The following PTPN2 variants were observed in gnomAD, a reference collection of about 807,000 sequenced individuals.
PTPN2 encodes the protein protein tyrosine phosphatase non-receptor type 2.
PTPN2 carries 19 observed loss-of-function variants against 57.3 expected under a neutral mutation model. That is an observed-to-expected ratio of 0.33 (90% CI 0.23 to 0.49). The LOEUF (loss-of-function observed/expected upper bound fraction) is 0.49. Ranked by LOEUF, PTPN2 falls within the 20% of genes least tolerant of loss-of-function variation. The probability of loss-of-function intolerance (pLI) is 0.99; values close to 1 mark genes in which losing one functional copy is unlikely to be tolerated. For synonymous variants in PTPN2, 153 were observed against 164.9 expected (o/e 0.93, Z 0.55); for missense variants, 358 against 501.1 (o/e 0.71, Z 2.73).
At chr18:12,861,642 C>T (rs1374708780) in intron 1 of PTPN2, among the ~76,000 whole-genome samples, 4 of 152,084 alleles carry the variant, frequency 2.6e-5, no homozygotes, top group Non-Finnish European at 4.4e-5. Context: ...TAAGTTTTGT[C>T]GCTACTGTAA....
intron 1 of PTPN2, among the ~76,000 whole-genome samples, chr18:12,868,625 CT>C (rs2044077815): frequency 6.6e-6 from 1 of 151,354 alleles, no homozygotes; most frequent in Non-Finnish European, 1.5e-5. Context: ...CCTAACAACT[CT>C]TTCTTTTTAA....
chr18:12,848,927 T>C (rs2043301496), intron 2 of PTPN2, among the ~76,000 whole-genome samples: 1 of 152,262 alleles, frequency 6.6e-6, no homozygotes, highest in Non-Finnish European at 1.5e-5. Context: ...GTTAATTTAT[T>C]TCTTTCCAAT....
intron 1 of PTPN2, among the ~76,000 whole-genome samples, chr18:12,874,507 G>A (rs2145529097): frequency 8.0e-6 from 1 of 125,424 alleles, no homozygotes; most frequent in African/African-American, 3.0e-5. Flanking sequence ...CCTCTGCCCG[G>A]CCAGCCGCCC....
At chr18:12,876,502 CA>C (rs1220627385) in intron 1 of PTPN2, among the ~76,000 whole-genome samples, 8 of 151,968 alleles carry the variant, frequency 5.3e-5, no homozygotes, top group Admixed American at 3.3e-4. Context: ...ATCAAGAAAT[CA>C]AAAAAGAGGC....
In PTPN2 at chr18:12,870,456, TATATATAGAG is replaced by T. The variant is rs1346641030; in HGVS notation, c.70-11212_70-11203del. On this transcript the variant is annotated intron_variant, in intron 1 of 8. Transcript: ENST00000309660. ...ATATATATGTGTATATATATATATA[TATATATAGAG>T]AGAGAGAGAGAGAGAGAGAGAGAGA... 4.7e-4 allele frequency among the ~76,000 whole-genome samples: 18 copies of T among 38,616 alleles called. No homozygotes were observed. The East Asian group carries it at 4.7e-3, about 10-fold the overall frequency. 25.3% of individuals were successfully genotyped at this position (38,616 alleles called of 152,430 possible). A position where few individuals can be genotyped will look rare whatever the true frequency, so the allele number is the denominator to read the frequency against.
intron 7 of PTPN2, among the ~76,000 whole-genome samples, chr18:12,802,707 G>A (rs1341488496): frequency 1.3e-5 from 2 of 151,978 alleles, no homozygotes; most frequent in East Asian, 4.0e-4. Context: ...AGAACAGACT[G>A]TAGAGAATGG....
At chr18:12,810,426 T>A (rs1369460381) in intron 7 of PTPN2, among the ~76,000 whole-genome samples, 1 of 152,120 alleles carries the variant, frequency 6.6e-6, no homozygotes, top group Admixed American at 6.6e-5. Context: ...CTTAGCTGCA[T>A]AATCAATGTA....
intron 3 of PTPN2, among the ~76,000 whole-genome samples, chr18:12,831,921 C>A (rs948936188): frequency 3.3e-5 from 5 of 152,110 alleles, no homozygotes; most frequent in Non-Finnish European, 7.4e-5. Flanking sequence ...AGCCTATGTA[C>A]AAATTTTAAC....
At chr18:12,865,328 G>T (rs2043953854) in intron 1 of PTPN2, among the ~76,000 whole-genome samples, 1 of 151,926 alleles carries the variant, frequency 6.6e-6, no homozygotes, top group African/African-American at 2.4e-5. Flanking sequence ...CCAGCTACTT[G>T]GGAGGCAGAA....
intron 5 of PTPN2, among the ~76,000 whole-genome samples, chr18:12,820,632 C>T (rs751225553): frequency 2.0e-5 from 3 of 152,100 alleles, no homozygotes; most frequent in Non-Finnish European, 4.4e-5. Context: ...CCTTGGTCAC[C>T]GAGTCACACT....
chr18:12,808,755 C>T (rs929538273), intron 7 of PTPN2, among the ~76,000 whole-genome samples: 5 of 152,144 alleles, frequency 3.3e-5, no homozygotes, highest in Admixed American at 1.3e-4. Flanking sequence ...CACTCCTGGG[C>T]GACAGAGCGA....
chr18:12,865,593 G>A (rs1198150844), intron 1 of PTPN2, among the ~76,000 whole-genome samples: 1 of 151,980 alleles, frequency 6.6e-6, no homozygotes, highest in Non-Finnish European at 1.5e-5. Context: ...CAGATTGCCT[G>A]AGCTCAGGAG....
intron 7 of PTPN2, among the ~76,000 whole-genome samples, chr18:12,808,764 G>A (rs941460294): frequency 6.6e-6 from 1 of 152,250 alleles, no homozygotes; most frequent in Non-Finnish European, 1.5e-5. Context: ...GCGACAGAGC[G>A]AGACTCCGTC....
At chr18:12,798,354 C>G (rs1241623934) in intron 8 of PTPN2, among the ~76,000 whole-genome samples, 1 of 152,068 alleles carries the variant, frequency 6.6e-6, no homozygotes, top group Non-Finnish European at 1.5e-5. Context: ...TATTTCATCA[C>G]CCAGGTATTA....
chr18:12,799,396 G>A (rs1362252719), intron 8 of PTPN2, among the ~76,000 whole-genome samples: 1 of 150,440 alleles, frequency 6.6e-6, no homozygotes, highest in Non-Finnish European at 1.5e-5. Flanking sequence ...CAGCCTGGGT[G>A]ACAGAGCAAG....
At position 12,851,385 on chromosome 18, in the gene PTPN2, AGG is replaced by A. The variant is rs1381134822; in HGVS notation, c.160+7777_160+7778del. 5.1e-5 allele frequency among the ~76,000 whole-genome samples: 2 copies of A among 39,510 alleles called. 1 individual carries two copies. Among genetic ancestry groups the A allele is most frequent in the Non-Finnish European group, 1.3e-4 (2 of 15,042 alleles). The allele number at this position is 39,510 out of a possible 152,430, so 25.9% of individuals were successfully genotyped here. A position where few individuals can be genotyped will look rare whatever the true frequency, so the allele number is the denominator to read the frequency against. On this transcript the variant is annotated intron_variant, in intron 2 of 8. Coordinates refer to ENST00000309660, the MANE Select transcript of PTPN2 (RefSeq NM_002828.4). Reference sequence around the variant, plus strand: ...TCCCAGCTACTCGGGAGGCTGAGGCAGGAGAATGGCGTGAACCCGGGAGGCGG... The same window carrying A: ...TCCCAGCTACTCGGGAGGCTGAGGCAAGAATGGCGTGAACCCGGGAGGCGG...
intron 1 of PTPN2, among the ~76,000 whole-genome samples, chr18:12,880,962 A>G (rs1243529109): frequency 1.3e-5 from 2 of 152,208 alleles, no homozygotes; most frequent in African/African-American, 4.8e-5. Flanking sequence ...ACTTGTACAT[A>G]ACGTATACCC....
chr18:12,854,881 T>G (rs1041255528), intron 2 of PTPN2, among the ~76,000 whole-genome samples: 2 of 152,162 alleles, frequency 1.3e-5, no homozygotes, highest in Admixed American at 6.5e-5. Flanking sequence ...CTGGGCACAG[T>G]GGCTCACACT....
At chr18:12,797,892 G>A (rs548660182) in intron 8 of PTPN2, among the ~76,000 whole-genome samples, 1 of 152,104 alleles carries the variant, frequency 6.6e-6, no homozygotes, top group East Asian at 1.9e-4. Flanking sequence ...ACATTTGGCG[G>A]ATTTTTGTAT....
Sources: allele counts gnomAD v4.1 joint callset (sites outside exome capture counted in the v4.1 genomes callset), GRCh38; gene constraint gnomAD v4.1.1; transcripts MANE v1.5; gene names NCBI Gene and HGNC (gene_info 2026-07-23, HGNC 2026-07-21).